Variants in DMRT1 observed in about 807,000 individuals in gnomAD.
The protein encoded by DMRT1 is doublesex and mab-3 related transcription factor 1, also known as doublesex- and mab-3-related transcription factor 1.
In DMRT1, 7 loss-of-function variants were observed where a neutral mutation model predicts 32.3. The ratio of observed to expected loss-of-function variants is 0.22; its 90% CI spans 0.12 to 0.41. DMRT1 has a LOEUF of 0.41. DMRT1 is among the 10% of genes least tolerant of loss of function. The probability of loss-of-function intolerance (pLI) is 1.00; values close to 1 mark genes in which losing one functional copy is unlikely to be tolerated. For synonymous variants in DMRT1, 278 were observed against 206.1 expected (o/e 1.35, Z -2.99); for missense variants, 625 against 500.5 (o/e 1.25, Z -2.37).
At chr9:959,371 C>T (rs1482598161) in intron 4 of DMRT1, among the ~76,000 whole-genome samples, 2 of 152,308 alleles carry the variant, frequency 1.3e-5, no homozygotes, top group Non-Finnish European at 2.9e-5. Flanking sequence ...GTCCTGGTGC[C>T]ACCACTTGTC....
intron 4 of DMRT1, among the ~76,000 whole-genome samples, chr9:928,981 G>A (rs1164078359): frequency 1.3e-5 from 2 of 152,058 alleles, no homozygotes; most frequent in East Asian, 3.9e-4. Context: ...GGGACTACAG[G>A]TGCATGCTAC....
chr9:875,857 C>A (rs1816478768), intron 2 of DMRT1, among the ~76,000 whole-genome samples: 1 of 152,080 alleles, frequency 6.6e-6, no homozygotes, highest in African/African-American at 2.4e-5. Context: ...CCCAAGTTAC[C>A]AGAGCCTTCA....
At chr9:951,944 T>C (rs1819440698) in intron 4 of DMRT1, among the ~76,000 whole-genome samples, 1 of 152,234 alleles carries the variant, frequency 6.6e-6, no homozygotes, top group Admixed American at 6.5e-5. Context: ...CCAGTGTCCA[T>C]TCAATGCCTG....
At chr9:847,278 G>T (rs1838949064) in intron 2 of DMRT1, 135 bp downstream of exon 2, 7 of 933,854 alleles carry the variant, frequency 7.5e-6, no homozygotes, top group Non-Finnish European at 1.1e-5. Flanking sequence ...GATTCTCCCT[G>T]TGAAGGGCTG....
At chr9:913,272 A>C (rs1235360769) in intron 3 of DMRT1, among the ~76,000 whole-genome samples, 1 of 152,192 alleles carries the variant, frequency 6.6e-6, no homozygotes, top group Non-Finnish European at 1.5e-5. Context: ...TAGATGTGAC[A>C]AACTCAGCCC....
chr9:881,765 T>A (rs1365112350), intron 2 of DMRT1, among the ~76,000 whole-genome samples: 3 of 152,250 alleles, frequency 2.0e-5, no homozygotes, highest in Non-Finnish European at 4.4e-5. Context: ...GAATGTAGCC[T>A]TGATGGATAG....
intron 2 of DMRT1, among the ~76,000 whole-genome samples, chr9:880,849 A>G (rs947572427): frequency 6.6e-6 from 1 of 152,178 alleles, no homozygotes; most frequent in East Asian, 1.9e-4. Context: ...CACCACAGCA[A>G]AAAAGGCAAA....
In DMRT1 at chr9:934,493, C is replaced by T. The variant is rs10114780; in HGVS notation, c.967+17586C>T. ...CTGCAGTGAGCTGTAATCACACCAG[C>T]GCTCTCCAGCTTGGGCAAAAAAATG... is the stretch of plus-strand genomic sequence containing the variant. On this transcript the variant is annotated intron_variant, in intron 4 of 4. Coordinates refer to ENST00000382276, the MANE Select transcript of DMRT1 (RefSeq NM_021951.3). Among the ~76,000 whole-genome samples, 1,000 of 152,096 alleles carry T rather than the reference C, an allele frequency of 6.6e-3. 7 individuals carry two copies. The highest frequency in any genetic ancestry group is 0.023 in the African/African-American group (963 of 41,474).
intron 4 of DMRT1, among the ~76,000 whole-genome samples, chr9:960,696 C>G (rs1161009580): frequency 6.6e-6 from 1 of 152,212 alleles, no homozygotes; most frequent in East Asian, 1.9e-4. Flanking sequence ...TTGGCCCAGC[C>G]TGACAGGTAC....
chr9:954,528 G>C (rs1275549919), intron 4 of DMRT1, among the ~76,000 whole-genome samples: 1 of 152,128 alleles, frequency 6.6e-6, no homozygotes, highest in African/African-American at 2.4e-5. Flanking sequence ...TAGAGAAGAG[G>C]GTGTGAGCCC....
intron 4 of DMRT1, among the ~76,000 whole-genome samples, chr9:927,342 G>A (rs1818560773): frequency 6.6e-6 from 1 of 152,232 alleles, no homozygotes; most frequent in African/African-American, 2.4e-5. Flanking sequence ...TGCCTGGGCG[G>A]TGAAGTGTTC....
intron 3 of DMRT1, among the ~76,000 whole-genome samples, chr9:915,657 A>G (rs1421385425): frequency 6.6e-6 from 1 of 152,128 alleles, no homozygotes. Flanking sequence ...CCAGCATGGC[A>G]TTGTGCTAAT....
chr9:900,742 T>C (rs931325811), intron 3 of DMRT1, among the ~76,000 whole-genome samples: 3 of 151,732 alleles, frequency 2.0e-5, no homozygotes, highest in African/African-American at 4.8e-5. Context: ...TGGAGTGCAG[T>C]AGTGCAATCG....
intron 1 of DMRT1, 62 bp from the exon 2 acceptor site, chr9:846,898 C>T (rs1402439981): frequency 3.7e-6 from 6 of 1,600,312 alleles, no homozygotes; most frequent in Admixed American, 1.7e-5. Flanking sequence ...GGTGGGGCTT[C>T]TGTGTTTTGG....
At chr9:847,735 G>A (rs950662384) in intron 2 of DMRT1, among the ~76,000 whole-genome samples, 1 of 152,156 alleles carries the variant, frequency 6.6e-6, no homozygotes. Flanking sequence ...TGTCTCCAAA[G>A]CTCAATACTC....
intron 3 of DMRT1, among the ~76,000 whole-genome samples, chr9:911,470 ATTTTTTTTTTTTTTTTTTTTTTTTTTTT>A (rs201141931): frequency 4.6e-4 from 31 of 66,994 alleles, no homozygotes; most frequent in East Asian, 4.3e-4. Context: ...GGTTAATTGC[ATTTTTTTTTTTTTTTTTTTTTTTTTTTT>A]TTTTTTTTTT....
intron 3 of DMRT1, 102 bp downstream of exon 3, chr9:894,297 C>G (rs1033836): frequency 2.3e-5 from 30 of 1,296,716 alleles, no homozygotes; most frequent in Non-Finnish European, 2.9e-5. Flanking sequence ...ACTTGTGCGC[C>G]CAGAGGCACA....
At chr9:929,622 C>T (rs1818643203) in intron 4 of DMRT1, among the ~76,000 whole-genome samples, 1 of 151,984 alleles carries the variant, frequency 6.6e-6, no homozygotes, top group South Asian at 2.1e-4. Flanking sequence ...AGGCTAGACA[C>T]ATTCATATAT....
rs1439704169 is a variant in DMRT1 at position 871,850 on chromosome 9, T to C, written c.539-22062T>C. On this transcript the variant is annotated intron_variant, in intron 2 of 4. Transcript: ENST00000382276. ...CATTTTTGTCTGATTCTTCAAGGAG[T>C]CTGTGACCTAAAAAGTATTAAGAAC... 6.0e-5 allele frequency among the ~76,000 whole-genome samples: 9 copies of C among 151,256 alleles called. No homozygotes were observed. In the East Asian group the frequency reaches 1.6e-3, roughly 26 times the overall value.
Sources: allele counts gnomAD v4.1 joint callset (sites outside exome capture counted in the v4.1 genomes callset), GRCh38; gene constraint gnomAD v4.1.1; transcripts MANE v1.5; gene names NCBI Gene and HGNC (gene_info 2026-07-23, HGNC 2026-07-21).